The following CCSER1 variants were observed in gnomAD, a reference collection of about 807,000 sequenced individuals.
CCSER1 encodes the protein serine-rich coiled-coil domain-containing protein 1.
In CCSER1, 41 loss-of-function variants were observed where a neutral mutation model predicts 82.0. That is an observed-to-expected ratio of 0.50 (90% CI 0.39 to 0.65). CCSER1 has a LOEUF of 0.65. Among genes scored for constraint, CCSER1 ranks in the 30% least tolerant of loss-of-function variants. CCSER1 has a pLI of 0.00. For synonymous variants in CCSER1, 414 were observed against 383.9 expected, an observed-to-expected ratio of 1.08 and a Z score of -0.92; for missense variants, 1,119 against 1,064.2, an observed-to-expected ratio of 1.05 and a Z score of -0.72.
At chr4:90,704,413 C>T (rs540166022) in intron 6 of CCSER1, among the ~76,000 whole-genome samples, 1 of 152,268 alleles carries the variant, frequency 6.6e-6, no homozygotes, top group Admixed American at 6.5e-5. Context: ...AACATTTTTT[C>T]CTTCATTTCA....
At chr4:90,256,793 T>C (rs1038086591) in intron 1 of CCSER1, among the ~76,000 whole-genome samples, 1 of 152,184 alleles carries the variant, frequency 6.6e-6, no homozygotes, top group Non-Finnish European at 1.5e-5. Context: ...ACTTAAGTTA[T>C]CTGCAGTCAA....
At chr4:91,460,206 C>G (rs1756428108) in intron 10 of CCSER1, among the ~76,000 whole-genome samples, 1 of 152,152 alleles carries the variant, frequency 6.6e-6, no homozygotes, top group East Asian at 1.9e-4. Flanking sequence ...ATAAACAAAG[C>G]TGTTTATTTC....
At chr4:91,260,506 C>T (rs1039590449) in intron 10 of CCSER1, among the ~76,000 whole-genome samples, 1 of 152,164 alleles carries the variant, frequency 6.6e-6, no homozygotes, top group Non-Finnish European at 1.5e-5. Flanking sequence ...AAACCATAGA[C>T]AGATTAGCTG....
At chr4:90,981,365 A>G (rs747461150) in intron 9 of CCSER1, among the ~76,000 whole-genome samples, 7 of 151,848 alleles carry the variant, frequency 4.6e-5, no homozygotes, top group African/African-American at 7.2e-5. Flanking sequence ...ATGAAAATTT[A>G]TTGAAGTTGA....
intron 10 of CCSER1, among the ~76,000 whole-genome samples, chr4:91,339,347 A>G (rs570714108): frequency 6.6e-6 from 1 of 152,262 alleles, no homozygotes; most frequent in African/African-American, 2.4e-5. Context: ...AGATTCCTAT[A>G]TAGTTCCTCT....
chr4:91,055,394 A>G (rs144679255), intron 9 of CCSER1, among the ~76,000 whole-genome samples: 158 of 152,300 alleles, frequency 1.0e-3, no homozygotes, highest in Non-Finnish European at 1.8e-3. Flanking sequence ...TAAATTATGT[A>G]GGATAATTTT....
intron 7 of CCSER1, among the ~76,000 whole-genome samples, chr4:90,734,286 C>G (rs1025487536): frequency 2.6e-5 from 4 of 151,830 alleles, no homozygotes; most frequent in Admixed American, 2.0e-4. Flanking sequence ...CCACCACGCC[C>G]GGCTAATTTT....
At chr4:91,354,165 G>A (rs931921675) in intron 10 of CCSER1, among the ~76,000 whole-genome samples, 1 of 152,216 alleles carries the variant, frequency 6.6e-6, no homozygotes, top group African/African-American at 2.4e-5. Flanking sequence ...AGTTGAGCAT[G>A]TAGATGGGGG....
intron 9 of CCSER1, among the ~76,000 whole-genome samples, chr4:90,955,851 A>G (rs557581899): frequency 6.6e-6 from 1 of 152,250 alleles, no homozygotes; most frequent in East Asian, 1.9e-4. Context: ...CATAACTTAA[A>G]TATGTCCTGC....
intron 10 of CCSER1, among the ~76,000 whole-genome samples, chr4:91,416,531 G>A (rs924370608): frequency 1.3e-5 from 2 of 152,106 alleles, no homozygotes; most frequent in Non-Finnish European, 2.9e-5. Flanking sequence ...ACAGAATAGA[G>A]AAAACAGAAA....
At chr4:91,417,073 G>A (rs948137570) in intron 10 of CCSER1, among the ~76,000 whole-genome samples, 8 of 152,006 alleles carry the variant, frequency 5.3e-5, no homozygotes, top group Non-Finnish European at 1.0e-4. Flanking sequence ...CTCAAAAGAA[G>A]ACATTCATGC....
chr4:91,067,565 A>C (rs1333558373), intron 9 of CCSER1, among the ~76,000 whole-genome samples: 1 of 151,950 alleles, frequency 6.6e-6, no homozygotes, highest in Non-Finnish European at 1.5e-5. Flanking sequence ...GGTTGGTCTC[A>C]AACTCCTGGG....
At chr4:91,269,060 T>C (rs1741831110) in intron 10 of CCSER1, among the ~76,000 whole-genome samples, 1 of 152,210 alleles carries the variant, frequency 6.6e-6, no homozygotes, top group South Asian at 2.1e-4. Context: ...AAAATTGTAG[T>C]CTATTTAAAG....
intron 7 of CCSER1, among the ~76,000 whole-genome samples, chr4:90,793,027 T>G (rs1755485385): frequency 6.6e-6 from 1 of 152,164 alleles, no homozygotes; most frequent in Non-Finnish European, 1.5e-5. Context: ...CAAGGCAGCA[T>G]TTAAAAAATA....
intron 1 of CCSER1, among the ~76,000 whole-genome samples, chr4:90,297,457 C>T (rs1732185606): frequency 6.6e-6 from 1 of 151,888 alleles, no homozygotes; most frequent in Admixed American, 6.6e-5. Context: ...AGTTTGACTT[C>T]CTCTTTTCCT....
intron 5 of CCSER1, among the ~76,000 whole-genome samples, chr4:90,623,529 T>C (rs1421733080): frequency 1.3e-5 from 2 of 152,230 alleles, no homozygotes; most frequent in African/African-American, 4.8e-5. Flanking sequence ...TTGTTGGCTA[T>C]GTTAAGATAT....
chr4:91,147,972 A>C (rs1187380827), intron 10 of CCSER1, among the ~76,000 whole-genome samples: 1 of 152,198 alleles, frequency 6.6e-6, no homozygotes, highest in Non-Finnish European at 1.5e-5. Context: ...TTTCTTTAGT[A>C]GATATAGATT....
intron 1 of CCSER1, among the ~76,000 whole-genome samples, chr4:90,281,635 T>C (rs984758450): frequency 1.3e-5 from 2 of 152,038 alleles, no homozygotes; most frequent in Non-Finnish European, 2.9e-5. Flanking sequence ...TATTACCATA[T>C]GTAGTAAAGT....
intron 10 of CCSER1, among the ~76,000 whole-genome samples, chr4:91,254,873 T>C (rs1740559305): frequency 6.6e-6 from 1 of 152,158 alleles, no homozygotes; most frequent in Non-Finnish European, 1.5e-5. Flanking sequence ...ATAGCATCGC[T>C]AGAACACAGA....
Sources: gnomAD v4.1 joint callset for allele counts (sites outside exome capture counted in the v4.1 genomes callset) on GRCh38, gnomAD v4.1.1 for gene constraint, MANE v1.5 for transcripts, NCBI Gene and HGNC (gene_info 2026-07-23, HGNC 2026-07-21) for gene names.